SEMA5B: variants seen among roughly 807,000 people sequenced by gnomAD.
The protein encoded by SEMA5B is semaphorin 5B, also known as semaphorin-5B.
Under a neutral mutation model 135.0 loss-of-function variants are expected in SEMA5B, and 66 were observed. The ratio of observed to expected loss-of-function variants is 0.49; its 90% confidence interval spans 0.40 to 0.60. The LOEUF (loss-of-function observed/expected upper bound fraction) is 0.60, where lower values mean the gene tolerates loss of function less well. Ranked by LOEUF, SEMA5B falls within the 20% of genes least tolerant of loss-of-function variation. The pLI, the probability that SEMA5B is intolerant of heterozygous loss-of-function variation, is 0.00. For synonymous variants in SEMA5B, 690 were observed against 639.5 expected (o/e 1.08, Z -1.19); for missense variants, 1,501 against 1,566.3 (o/e 0.96, Z 0.70).
intron 12 of SEMA5B, among the ~76,000 whole-genome samples, chr3:122,919,384 G>A (rs548782331): frequency 1.2e-4 from 18 of 152,282 alleles, no homozygotes; most frequent in African/African-American, 3.6e-4. Flanking sequence ...GCTCCTCCTC[G>A]TGGGAGCACT....
intron 1 of SEMA5B, among the ~76,000 whole-genome samples, chr3:123,011,081 T>G (rs1942429855): frequency 2.0e-5 from 3 of 152,056 alleles, no homozygotes; most frequent in African/African-American, 7.2e-5. Context: ...TCAGGGGAGA[T>G]GTACAGCAAG....
Position 122,912,352 on chromosome 3 carries a change from G to T in SEMA5B, c.2726-10C>A. 1.3e-6 allele frequency: 2 copies of T among 1,576,720 alleles called. No homozygotes were observed. Among genetic ancestry groups the T allele is most frequent in the Non-Finnish European group, 1.7e-6 (2 of 1,160,960 alleles). On this transcript the variant is annotated splice_polypyrimidine_tract_variant and intron_variant, in intron 18 of 22. Transcript: ENST00000357599. ...GACCAAGCACCCCGAACTGCAAGGGGACGGGGTGTGTGAGGGGCTGTAGGG... is the reference window on the plus strand; with the variant it reads ...GACCAAGCACCCCGAACTGCAAGGGTACGGGGTGTGTGAGGGGCTGTAGGG...
chr3:122,915,972 C>T (rs941440935), intron 12 of SEMA5B, 82 bp from the exon 13 acceptor site: 9 of 957,402 alleles, frequency 9.4e-6, no homozygotes, highest in South Asian at 6.7e-5. Context: ...GAACACTCCC[C>T]TCTGTGCACC....
intron 5 of SEMA5B, among the ~76,000 whole-genome samples, chr3:122,931,805 G>C (rs749200442): frequency 2.0e-5 from 3 of 152,216 alleles, no homozygotes; most frequent in Non-Finnish European, 4.4e-5. Context: ...TATAGAATGA[G>C]CACGATACCA....
In SEMA5B at chr3:122,948,540, G is replaced by A. The variant is rs529427233; in HGVS notation, c.294C>T (p.Cys98=). Residue 98 remains cysteine (C), a synonymous_variant, in exon 3 of 23, where the codon TGC becomes TGT. Coordinates refer to ENST00000357599, the MANE Select transcript of SEMA5B (RefSeq NM_001031702.4). ...CCACGGTGGGGTGCTTGCTAAGGGC[G>A]CACAGCTGCTGCTCACTGCTGGGCT... is the stretch of plus-strand genomic sequence containing the variant. ...SSEPSSEQQL[C]ALSKHPTVAF... 135 of 1,609,824 alleles carry A rather than the reference G, an allele frequency of 8.4e-5. No individual in the cohort carries two copies. The highest frequency in any genetic ancestry group is 1.0e-4 in the Non-Finnish European group (123 of 1,177,132).
At position 122,913,351 on chromosome 3, in the gene SEMA5B, A is replaced by G; in HGVS notation, c.2354T>C (p.Val785Ala). Residue 785 changes from valine to alanine, a missense_variant, in exon 17 of 23, where the codon GTG becomes GCG. Coordinates refer to ENST00000357599, the MANE Select transcript of SEMA5B (RefSeq NM_001031702.4). ...CCGTGCCCCGCCCTGCGTCACGTTC[A>G]CGGGCAGCCACGGCGTCCAGGGGGT... is the stretch of plus-strand genomic sequence containing the variant. ...RNTPWTPWLP[V>A]NVTQGGARQE... is the part of the protein sequence containing the mutation. 6.3e-7 allele frequency: 1 copy of G among 1,581,010 alleles called. No homozygotes were observed. The highest frequency in any genetic ancestry group is 1.3e-5 in the African/African-American group (1 of 74,662).
chr3:122,916,373 C>T (rs1267949771), intron 12 of SEMA5B, among the ~76,000 whole-genome samples: 1 of 152,196 alleles, frequency 6.6e-6, no homozygotes, highest in African/African-American at 2.4e-5. Context: ...TCAACCCTGG[C>T]TGCACATTAG....
intron 1 of SEMA5B, among the ~76,000 whole-genome samples, chr3:122,970,410 C>A (rs1430351792): frequency 1.3e-5 from 2 of 152,208 alleles, no homozygotes; most frequent in Admixed American, 1.3e-4. Context: ...GTTTCTCATT[C>A]AGTCAATCTA....
intron 2 of SEMA5B, among the ~76,000 whole-genome samples, chr3:122,959,229 G>A (rs183826621): frequency 1.1e-4 from 16 of 152,242 alleles, no homozygotes; most frequent in Admixed American, 3.9e-4. Flanking sequence ...CAATAACCCC[G>A]TGAGGCGGGT....
At chr3:123,020,802 G>A (rs1942657427) in intron 1 of SEMA5B, among the ~76,000 whole-genome samples, 1 of 152,214 alleles carries the variant, frequency 6.6e-6, no homozygotes, top group African/African-American at 2.4e-5. Context: ...ACGGAAGCCA[G>A]TGAATTATGT....
rs577512133 is a variant in SEMA5B at position 123,019,829 on chromosome 3, G to A, written c.-39+7635C>T. ...GGATGCTGGAGGTGGGGGCAAGGGA[G>A]CCTAGGAGTTCCTATGAAGGGAGAG... is the stretch of plus-strand genomic sequence containing the variant. On this transcript the variant is annotated intron_variant, in intron 1 of 22. Coordinates refer to ENST00000357599, the MANE Select transcript of SEMA5B (RefSeq NM_001031702.4). Among the ~76,000 whole-genome samples the A allele has an allele frequency of 6.6e-5, 10 of 152,284 alleles. No individual in the cohort carries two copies. The South Asian group carries it at 2.1e-3, about 32-fold the overall frequency.
intron 2 of SEMA5B, among the ~76,000 whole-genome samples, chr3:122,955,592 C>T (rs548417529): frequency 5.3e-5 from 8 of 152,326 alleles, no homozygotes; most frequent in Non-Finnish European, 8.8e-5. Flanking sequence ...AATTTCCCCA[C>T]CAGCAGTGCA....
intron 14 of SEMA5B, 59 bp from the exon 15 acceptor site, chr3:122,914,060 T>G: frequency 6.7e-7 from 1 of 1,492,390 alleles, no homozygotes; most frequent in Non-Finnish European, 8.9e-7. Flanking sequence ...TTCTTAGATC[T>G]AGTCTGTCTC....
At chr3:122,997,292 A>G (rs1576399629) in intron 1 of SEMA5B, among the ~76,000 whole-genome samples, 1 of 150,150 alleles carries the variant, frequency 6.7e-6, no homozygotes, top group African/African-American at 2.5e-5. Flanking sequence ...GTCTTTCTTC[A>G]CCTCCCCTCT....
chr3:122,938,461 G>A (rs989152184), intron 5 of SEMA5B, among the ~76,000 whole-genome samples: 3 of 152,186 alleles, frequency 2.0e-5, no homozygotes, highest in African/African-American at 7.2e-5. Flanking sequence ...GTCCCTGGGT[G>A]TGTGGACCCA....
intron 1 of SEMA5B, among the ~76,000 whole-genome samples, chr3:123,010,502 C>T (rs746347861): frequency 1.5e-4 from 23 of 152,042 alleles, no homozygotes; most frequent in South Asian, 1.0e-3. Flanking sequence ...TCAACAACAG[C>T]GAAGTGGTCC....
In SEMA5B at chr3:122,926,565, C is replaced by T. The variant is rs1358297880; in HGVS notation, c.963G>A (p.Val321=). Residue 321 remains valine (V), a synonymous_variant, in exon 9 of 23, where the codon GTG becomes GTA. Coordinates refer to ENST00000357599, the MANE Select transcript of SEMA5B (RefSeq NM_001031702.4). ...ATCGGCCCCCCACGTCATTCTTGCA[C>T]ACGCGGGCCACGCGAGAGTACACGG... ...GRTVYSRVAR[V]CKNDVGGRFL... The T allele has an allele frequency of 6.2e-7, 1 of 1,614,208 alleles. No homozygotes were observed. Among genetic ancestry groups the T allele is most frequent in the Admixed American group, 1.7e-5 (1 of 60,028 alleles).
At chr3:123,008,610 G>A (rs1942364794) in intron 1 of SEMA5B, among the ~76,000 whole-genome samples, 2 of 152,140 alleles carry the variant, frequency 1.3e-5, no homozygotes, top group African/African-American at 4.8e-5. Flanking sequence ...ACAGGGTTTT[G>A]AGAAGATGTC....
At chr3:122,935,986 C>T (rs1939261695) in intron 5 of SEMA5B, among the ~76,000 whole-genome samples, 1 of 152,286 alleles carries the variant, frequency 6.6e-6, no homozygotes, top group Middle Eastern at 3.4e-3. Flanking sequence ...AGCCACTGTG[C>T]CCAGCCTCTA....
Sources: allele counts gnomAD v4.1 joint callset (sites outside exome capture counted in the v4.1 genomes callset), GRCh38; gene constraint gnomAD v4.1.1; transcripts MANE v1.5; gene names NCBI Gene and HGNC (gene_info 2026-07-23, HGNC 2026-07-21).